Variants in TCF25 observed in about 807,000 individuals in gnomAD.
TCF25 encodes TCF25 ribosome quality control complex subunit, also known as ribosome quality control complex subunit TCF25.
A neutral mutation model predicts 83.1 loss-of-function variants in TCF25; 41 were observed. That is an observed-to-expected ratio of 0.49 (90% confidence interval 0.38 to 0.64). TCF25 has a LOEUF of 0.64. TCF25 is among the 30% of genes least tolerant of loss of function. The pLI, the probability that TCF25 is intolerant of heterozygous loss-of-function variation, is 0.00. For missense variants in TCF25, 979 were observed against 914.5 expected (o/e 1.07, Z -0.91); for synonymous variants, 458 against 365.0 (o/e 1.25, Z -2.90).
At chr16:89,896,372 C>T (rs1056868927) in intron 9 of TCF25, among the ~76,000 whole-genome samples, 2 of 151,844 alleles carry the variant, frequency 1.3e-5, no homozygotes, top group Non-Finnish European at 1.5e-5. Context: ...AGTGAGACCC[C>T]CATCTCTTAA....
intron 5 of TCF25, among the ~76,000 whole-genome samples, chr16:89,891,742 TTTC>T (rs1383869117): frequency 7.9e-5 from 12 of 152,288 alleles, no homozygotes; most frequent in African/African-American, 2.6e-4. Flanking sequence ...TTCTTTTCGT[TTTC>T]TTTTTTTATT....
At chr16:89,882,424 G>C (rs968983944) in intron 1 of TCF25, among the ~76,000 whole-genome samples, 3 of 152,122 alleles carry the variant, frequency 2.0e-5, no homozygotes, top group Non-Finnish European at 4.4e-5. Context: ...TGTAGTTCCA[G>C]CTACTTGGGA....
rs1337097693 is a variant in TCF25, at chr16:89,911,094, G to A, written c.1887G>A (p.Glu629=). 6.2e-7 allele frequency: 1 copy of A among 1,611,140 alleles called. No individual in the cohort carries two copies. Among genetic ancestry groups the A allele is most frequent in the South Asian group, 1.1e-5 (1 of 91,004 alleles). ...CCTTGCTGCAGGGGGAGAGGCCCGA[G>A]GAAGGAGTGGCTGGGGGTCTGAACC... The part of the protein sequence containing the change: ...PNYTMEGERP[E]EGVAGGLNRN... The change falls in exon 18 of 18, where the codon GAG becomes GAA. Residue 629 remains glutamate, a synonymous_variant. Coordinates refer to ENST00000263346, the MANE Select transcript of TCF25 (RefSeq NM_014972.3).
At chr16:89,905,739 G>A (rs756841694) in intron 14 of TCF25, among the ~76,000 whole-genome samples, 64 of 152,220 alleles carry the variant, frequency 4.2e-4, no homozygotes, top group Non-Finnish European at 5.9e-4. Context: ...GCCCGTCCGC[G>A]TGTCTGCTGT....
chr16:89,905,244 G>A, intron 14 of TCF25, 148 bp downstream of exon 14: 2 of 1,191,684 alleles, frequency 1.7e-6, no homozygotes, highest in Non-Finnish European at 2.3e-6. Flanking sequence ...CTACAAGACA[G>A]CGCACAGCCC....
At chr16:89,910,291 C>A in intron 16 of TCF25, 1 of 477,972 alleles carries the variant, frequency 2.1e-6, no homozygotes, top group Non-Finnish European at 3.8e-6. Context: ...AAAAGCAAGG[C>A]ACCTGTGCAG....
At chr16:89,904,376 C>G in intron 13 of TCF25, 171 bp downstream of exon 13, 1 of 720,346 alleles carries the variant, frequency 1.4e-6, no homozygotes, top group South Asian at 1.8e-5. Flanking sequence ...GAGCCCTCAT[C>G]TGTGTGGAAA....
chr16:89,886,115 T>C, intron 4 of TCF25, 149 bp downstream of exon 4: 2 of 649,766 alleles, frequency 3.1e-6, no homozygotes, highest in Non-Finnish European at 5.6e-6. Flanking sequence ...TAAAATGTAC[T>C]GTCTTTATTT....
chr16:89,885,121 A>T (rs1232682135), intron 3 of TCF25, among the ~76,000 whole-genome samples: 1 of 150,022 alleles, frequency 6.7e-6, no homozygotes, highest in African/African-American at 2.5e-5. Context: ...CCTCTGCCTG[A>T]CGCTCTCTCC....
chr16:89,886,428 A>C (rs1023610592), intron 4 of TCF25, among the ~76,000 whole-genome samples: 9 of 150,168 alleles, frequency 6.0e-5, no homozygotes, highest in African/African-American at 2.0e-4. Context: ...ACTGTGTCTC[A>C]AAAAAATAAT....
intron 1 of TCF25, chr16:89,878,604 A>T: frequency 8.7e-7 from 1 of 1,142,986 alleles, no homozygotes; most frequent in Non-Finnish European, 1.1e-6. Flanking sequence ...AGACCCTAAA[A>T]CTAATGAAAA....
chr16:89,878,749 TC>T, intron 1 of TCF25: 2 of 783,788 alleles, frequency 2.6e-6, no homozygotes, highest in East Asian at 1.2e-4. Context: ...CACTCCATTG[TC>T]CAGCCTCAGC....
At chr16:89,905,933 G>A (rs2044739998) in intron 14 of TCF25, among the ~76,000 whole-genome samples, 1 of 152,196 alleles carries the variant, frequency 6.6e-6, no homozygotes, top group South Asian at 2.1e-4. Flanking sequence ...ACTGGCTACG[G>A]CTCTCATCGT....
chr16:89,910,330 T>C (rs2045452478), intron 16 of TCF25: 2 of 547,740 alleles, frequency 3.7e-6, no homozygotes, highest in Non-Finnish European at 6.5e-6. Context: ...GGAGCCTCGC[T>C]CCGGACGCCA....
chr16:89,898,942 G>A (rs1372561578), intron 11 of TCF25, 70 bp downstream of exon 11: 3 of 1,455,412 alleles, frequency 2.1e-6, no homozygotes, highest in Non-Finnish European at 2.9e-6. Context: ...TCTTGGTTCA[G>A]TATCTGTGCG....
intron 1 of TCF25, among the ~76,000 whole-genome samples, chr16:89,882,719 T>A (rs919195669): frequency 2.0e-5 from 3 of 152,176 alleles, no homozygotes; most frequent in African/African-American, 7.2e-5. Context: ...CCCAAGTAGC[T>A]GGGATTACAG....
chr16:89,898,771 G>A lies in TCF25; in HGVS notation c.1120G>A (p.Glu374Lys), dbSNP rs754021118. The A allele has an allele frequency of 1.6e-5, 26 of 1,613,628 alleles. No homozygotes were observed. The highest frequency in any genetic ancestry group is 5.3e-5 in the African/African-American group (4 of 74,900). Residue 374 changes from glutamate to lysine, a missense_variant, in exon 11 of 18, where the codon GAG (glutamate) becomes AAG (lysine). Transcript: ENST00000263346. ...TCTCTGTGCTGCCTCCGGAAGTCTCGAGCCGGATGAGGACCCCCTCTGCAT... is the reference window on the plus strand; with the variant it reads ...TCTCTGTGCTGCCTCCGGAAGTCTCAAGCCGGATGAGGACCCCCTCTGCAT... ...LEYCKLILSLEPDEDPLCMLL... is the reference protein window; with the variant it reads ...LEYCKLILSLKPDEDPLCMLL...
At chr16:89,897,987 C>G (rs1048780005) in intron 9 of TCF25, among the ~76,000 whole-genome samples, 3 of 151,930 alleles carry the variant, frequency 2.0e-5, no homozygotes, top group Admixed American at 2.0e-4. Flanking sequence ...CCTGTAGTCT[C>G]AGCTACTTGG....
At chr16:89,876,742 C>T (rs1032358269) in intron 1 of TCF25, among the ~76,000 whole-genome samples, 14 of 151,782 alleles carry the variant, frequency 9.2e-5, no homozygotes, top group East Asian at 7.8e-4. Flanking sequence ...CTGGCTAACA[C>T]GGTGAAACCC....
Sources: allele counts gnomAD v4.1 joint callset (sites outside exome capture counted in the v4.1 genomes callset), GRCh38; gene constraint gnomAD v4.1.1; transcripts MANE v1.5; gene names NCBI Gene and HGNC (gene_info 2026-07-23, HGNC 2026-07-21).